The following FAM161B variants were observed in gnomAD, a reference collection of about 807,000 sequenced individuals.
FAM161B encodes the protein protein FAM161B.
A neutral mutation model predicts 61.5 loss-of-function variants in FAM161B; 46 were observed. The ratio of observed to expected loss-of-function variants is 0.75; its 90% CI spans 0.59 to 0.96. FAM161B has a LOEUF of 0.96. FAM161B is among the 40% of genes least tolerant of loss of function. The pLI is 0.00. For synonymous variants in FAM161B, 284 were observed against 302.7 expected (o/e 0.94, Z 0.64); for missense variants, 774 against 800.7 (o/e 0.97, Z 0.40).
downstream of FAM161B, among the ~76,000 whole-genome samples, chr14:73,929,416 CAT>C (rs1331586334): frequency 6.6e-6 from 1 of 152,280 alleles, no homozygotes; most frequent in African/African-American, 2.4e-5. Flanking sequence ...ATTTGCAACA[CAT>C]GTCCGTTTCA....
intron 1 of FAM161B, among the ~76,000 whole-genome samples, chr14:73,948,651 T>A (rs2056090323): frequency 6.6e-6 from 1 of 152,212 alleles, no homozygotes; most frequent in Non-Finnish European, 1.5e-5. Flanking sequence ...AATTCAGTGG[T>A]TTTAGTATAT....
chr14:73,950,093 A>G lies in FAM161B; in HGVS notation c.-67T>C, dbSNP rs1192186514. On this transcript the variant is annotated 5_prime_UTR_variant, in exon 1 of 9. Transcript: ENST00000286544. ...GGCAGCAGCGGTGGCAGCGAGAGCT[A>G]TGCGGGGCCAGGGTCCACCCCTTTC... 1.9e-6 allele frequency: 3 copies of G among 1,604,806 alleles called. No individual in the cohort carries two copies. Among genetic ancestry groups the G allele is most frequent in the East Asian group, 4.5e-5 (2 of 44,880 alleles).
In FAM161B at chr14:73,944,953, C is replaced by A. The variant is rs1017269868; in HGVS notation, c.375-68G>T. 4 of 1,280,246 alleles carry A rather than the reference C, an allele frequency of 3.1e-6. No individual in the cohort carries two copies. The Admixed American group carries it at 1.2e-4, about 38-fold the overall frequency. The allele number at this position is 1,280,246 out of a possible 1,614,324, so 79.3% of individuals were successfully genotyped here. ...GGAGGCCCTGCTCCCTCCAGACCTC[C>A]TCCCCAGTCCTCCCTTCCCACTGGT... On this transcript the variant is annotated intron_variant, in intron 2 of 8. Transcript: ENST00000286544.
At position 73,937,986 on chromosome 14, in the gene FAM161B, G is replaced by T. The variant is rs1162585238; in HGVS notation, c.1527C>A (p.Ser509Arg). The T allele has an allele frequency of 2.5e-6, 4 of 1,614,030 alleles. No homozygotes were observed. In the African/African-American group the frequency reaches 4.0e-5, roughly 16 times the overall value. ...GCTTTGCTTTGAACACTTCCTCCAG[G>T]CTTTTATGGGGATCCATGGCTTTTG... ...LRAKAMDPHK[S>R]LEEVFKAKLK... Residue 509 changes from serine (S) to arginine (R), a missense_variant, in exon 6 of 9, where the codon AGC becomes AGA. Physicochemically the swap from Ser to Arg is moderately radical, Grantham distance 110 (BLOSUM62 -1). Coordinates refer to ENST00000286544, the MANE Select transcript of FAM161B (RefSeq NM_152445.3).
intron 4 of FAM161B, among the ~76,000 whole-genome samples, chr14:73,941,643 T>C (rs1739792795): frequency 6.6e-6 from 1 of 152,198 alleles, no homozygotes. Context: ...TCAAGCCTGC[T>C]TGGACTTATT....
chr14:73,923,407 A>C, the FAM161B span: 1 of 1,613,286 alleles, frequency 6.2e-7, no homozygotes, highest in Non-Finnish European at 8.5e-7. Context: ...GTGCTTGCTG[A>C]AGGATCCCCA....
At chr14:73,947,082 ACT>A (rs1187405822) in intron 1 of FAM161B, among the ~76,000 whole-genome samples, 1 of 151,786 alleles carries the variant, frequency 6.6e-6, no homozygotes, top group African/African-American at 2.4e-5. Flanking sequence ...GCTAATTTGC[ACT>A]CTGTCAAGGA....
chr14:73,926,550 CAA>C (rs1004967066), downstream of FAM161B, among the ~76,000 whole-genome samples: 29 of 152,046 alleles, frequency 1.9e-4, no homozygotes, highest in African/African-American at 6.8e-4. Context: ...TCTCCTGCCT[CAA>C]GTCTCCCAAT....
chr14:73,924,137 ATCAAT>A, the FAM161B span, among the ~76,000 whole-genome samples: 1 of 152,176 alleles, frequency 6.6e-6, no homozygotes, highest in Admixed American at 6.5e-5. Context: ...CATTACCTAA[ATCAAT>A]GGTCTCCAGC....
chr14:73,924,171 C>T, the FAM161B span, among the ~76,000 whole-genome samples: 13 of 152,086 alleles, frequency 8.5e-5, no homozygotes, highest in Admixed American at 2.6e-4. Flanking sequence ...CACCAGGGAC[C>T]GGTTTCGTTT....
chr14:73,924,603 C>CA, the FAM161B span: 1 of 410,546 alleles, frequency 2.4e-6, no homozygotes, highest in South Asian at 1.8e-5. Context: ...AAACTTTTGT[C>CA]AAAACCTCTG....
chr14:73,926,419 T>TTTTTG, the FAM161B span, among the ~76,000 whole-genome samples: 7 of 151,850 alleles, frequency 4.6e-5, no homozygotes, highest in Non-Finnish European at 7.4e-5. Flanking sequence ...GGAACTGGGT[T>TTTTTG]TTTTGTTTTG....
chr14:73,934,444 C>A, intron 8 of FAM161B, 50 bp from the exon 9 acceptor site: 1 of 1,552,256 alleles, frequency 6.4e-7, no homozygotes, highest in Non-Finnish European at 8.7e-7. Context: ...TTTTTTCAGA[C>A]AGGGTCTCAC....
chr14:73,929,965 C>T (rs1448780866), downstream of FAM161B, among the ~76,000 whole-genome samples: 1 of 152,148 alleles, frequency 6.6e-6, no homozygotes, highest in African/African-American at 2.4e-5. Flanking sequence ...CAACTGGGAA[C>T]CCCAGGGCTT....
rs1161493089 is a variant in FAM161B at position 73,936,050 on chromosome 14, G to A, written c.1704C>T (p.Asp568=). The stretch of plus-strand genomic sequence containing the variant: ...CCTCCAGCCCAGCCTGCTTCAGGGT[G>A]TCTAGATACCACTGTTCTGCTTCTT... The part of the protein sequence containing the change: ...AKKEAEQWYL[D]TLKQAGLEED... The change falls in exon 8 of 9, where the codon GAC becomes GAT. Residue 568 remains aspartate (D), a synonymous_variant. Coordinates refer to ENST00000286544, the MANE Select transcript of FAM161B (RefSeq NM_152445.3). 4 of 1,613,432 alleles carry A rather than the reference G, an allele frequency of 2.5e-6. No homozygotes were observed. Among genetic ancestry groups the A allele is most frequent in the Non-Finnish European group, 3.4e-6 (4 of 1,179,678 alleles).
chr14:73,925,016 T>C, the FAM161B span, among the ~76,000 whole-genome samples: 1 of 152,240 alleles, frequency 6.6e-6, no homozygotes, highest in South Asian at 2.1e-4. Flanking sequence ...CAGTAAGCTG[T>C]TGCATCATTC....
chr14:73,930,130 C>T (rs1161242745), downstream of FAM161B, among the ~76,000 whole-genome samples: 1 of 152,154 alleles, frequency 6.6e-6, no homozygotes. Context: ...ATAGAAATTA[C>T]AAATTCTATA....
the FAM161B span, chr14:73,924,843 A>G: frequency 1.8e-3 from 583 of 326,532 alleles, 3 homozygotes; most frequent in African/African-American, 0.013. Context: ...CGCCCAGCTA[A>G]TTTTTTTGTA....
chr14:73,944,056 C>T (rs2056041680), intron 3 of FAM161B, among the ~76,000 whole-genome samples: 1 of 152,232 alleles, frequency 6.6e-6, no homozygotes, highest in South Asian at 2.1e-4. Context: ...TATTCCTGCA[C>T]CTGTGCTGGT....
Sources: gnomAD v4.1 joint callset for allele counts (sites outside exome capture counted in the v4.1 genomes callset) on GRCh38, gnomAD v4.1.1 for gene constraint, MANE v1.5 for transcripts, NCBI Gene and HGNC (gene_info 2026-07-23, HGNC 2026-07-21) for gene names.